GALNT13: variants seen among roughly 807,000 people sequenced by gnomAD.
GALNT13 encodes polypeptide N-acetylgalactosaminyltransferase 13.
In GALNT13, 28 loss-of-function variants were observed where a neutral mutation model predicts 64.2. The observed-to-expected ratio is 0.44, with a 90% CI of 0.32 to 0.60. The LOEUF (loss-of-function observed/expected upper bound fraction) is 0.60. Ranked by LOEUF, GALNT13 falls within the 20% of genes least tolerant of loss-of-function variation. The pLI is 0.05. For missense variants in GALNT13, 577 were observed against 669.8 expected (o/e 0.86, Z 1.53); for synonymous variants, 214 against 224.6 (o/e 0.95, Z 0.42).
chr2:154,171,608 G>T (rs1181991135), intron 4 of GALNT13, among the ~76,000 whole-genome samples: 1 of 152,092 alleles, frequency 6.6e-6, no homozygotes, highest in Non-Finnish European at 1.5e-5. Flanking sequence ...ACTCTAAAGT[G>T]AATGATTTGT....
the GALNT13 span, among the ~76,000 whole-genome samples, chr2:153,545,659 A>C: frequency 6.6e-6 from 1 of 152,110 alleles, no homozygotes; most frequent in Non-Finnish European, 1.5e-5. Context: ...TCTGGACCCC[A>C]CTTGGCCACA....
At chr2:153,633,409 C>T in the GALNT13 span, among the ~76,000 whole-genome samples, 6 of 152,122 alleles carry the variant, frequency 3.9e-5, no homozygotes, top group Non-Finnish European at 8.8e-5. Context: ...AGTTTACTCC[C>T]TTTCACCATT....
chr2:153,633,384 A>G, the GALNT13 span, among the ~76,000 whole-genome samples: 1 of 152,098 alleles, frequency 6.6e-6, no homozygotes, highest in Non-Finnish European at 1.5e-5. Flanking sequence ...CCAAGTAGTC[A>G]TTTTTTTCCC....
intron 2 of GALNT13, among the ~76,000 whole-genome samples, chr2:153,943,286 T>A (rs1451457202): frequency 6.6e-6 from 1 of 152,144 alleles, no homozygotes; most frequent in Admixed American, 6.5e-5. Context: ...TTATTTTAAA[T>A]CATTTATGTT....
the GALNT13 span, among the ~76,000 whole-genome samples, chr2:153,629,651 T>A: frequency 6.6e-6 from 1 of 151,884 alleles, no homozygotes; most frequent in Non-Finnish European, 1.5e-5. Flanking sequence ...ACAAATGGGA[T>A]CTAATTAAAC....
chr2:154,202,898 C>G (rs572123940), intron 4 of GALNT13, among the ~76,000 whole-genome samples: 3 of 152,038 alleles, frequency 2.0e-5, no homozygotes, highest in Non-Finnish European at 4.4e-5. Context: ...TTGGATGTTT[C>G]GCTGCAATAG....
intron 9 of GALNT13, among the ~76,000 whole-genome samples, chr2:154,346,731 C>T (rs933163029): frequency 2.0e-5 from 3 of 152,044 alleles, no homozygotes; most frequent in Non-Finnish European, 4.4e-5. Context: ...CAGACTAATA[C>T]ATATCACTAA....
At chr2:153,291,363 A>G in the GALNT13 span, among the ~76,000 whole-genome samples, 1 of 152,166 alleles carries the variant, frequency 6.6e-6, no homozygotes, top group Non-Finnish European at 1.5e-5. Context: ...AAAGATATCA[A>G]CGTTTTTCAC....
the GALNT13 span, among the ~76,000 whole-genome samples, chr2:153,656,564 A>T: frequency 1.3e-5 from 2 of 152,114 alleles, no homozygotes; most frequent in South Asian, 2.1e-4. Context: ...CAAAAGAAAA[A>T]AGGAAACATT....
the GALNT13 span, among the ~76,000 whole-genome samples, chr2:153,410,026 T>A: frequency 6.6e-6 from 1 of 152,196 alleles, no homozygotes; most frequent in South Asian, 2.1e-4. Flanking sequence ...GTGTCAGCCT[T>A]ATATACAGAT....
chr2:154,038,841 T>A (rs1211072936), intron 3 of GALNT13, among the ~76,000 whole-genome samples: 2 of 151,754 alleles, frequency 1.3e-5, no homozygotes, highest in African/African-American at 4.8e-5. Context: ...TAGGAGAAAA[T>A]ATTTGCAAAT....
chr2:153,843,746 T>C, the GALNT13 span, among the ~76,000 whole-genome samples: 1 of 152,180 alleles, frequency 6.6e-6, no homozygotes, highest in Non-Finnish European at 1.5e-5. Context: ...GGTATAGGCA[T>C]TGGGTAAACA....
the GALNT13 span, among the ~76,000 whole-genome samples, chr2:153,473,569 G>A: frequency 1.3e-5 from 2 of 152,168 alleles, no homozygotes; most frequent in African/African-American, 4.8e-5. Flanking sequence ...ATTGTGCATA[G>A]GTCTACATGG....
At chr2:153,136,767 A>T in the GALNT13 span, among the ~76,000 whole-genome samples, 1 of 152,120 alleles carries the variant, frequency 6.6e-6, no homozygotes, top group East Asian at 1.9e-4. Context: ...CATTAAGTAC[A>T]GGTCTCCAAA....
chr2:154,141,828 AAT>A (rs1683276834), intron 4 of GALNT13, among the ~76,000 whole-genome samples: 1 of 152,216 alleles, frequency 6.6e-6, no homozygotes, highest in African/African-American at 2.4e-5. Flanking sequence ...CTATGGAAGA[AAT>A]ATGCACTTGG....
intron 4 of GALNT13, among the ~76,000 whole-genome samples, chr2:154,152,711 AG>A (rs1684122918): frequency 6.6e-6 from 1 of 152,090 alleles, no homozygotes; most frequent in Non-Finnish European, 1.5e-5. Context: ...TCTTTCTTCC[AG>A]TTGATCGCAT....
At chr2:153,389,470 T>G in the GALNT13 span, among the ~76,000 whole-genome samples, 4 of 152,098 alleles carry the variant, frequency 2.6e-5, 1 homozygote, top group South Asian at 8.3e-4. Flanking sequence ...TGGGGGTTAA[T>G]TTCAAACAAG....
chr2:154,083,282 G>C (rs1701367482), intron 3 of GALNT13, among the ~76,000 whole-genome samples: 1 of 151,788 alleles, frequency 6.6e-6, no homozygotes, highest in East Asian at 1.9e-4. Context: ...TATCTGTTTT[G>C]GTACCAGTAC....
chr2:153,579,291 T>G, the GALNT13 span, among the ~76,000 whole-genome samples: 45 of 152,188 alleles, frequency 3.0e-4, no homozygotes, highest in African/African-American at 1.1e-3. Flanking sequence ...TTTTTTTTTC[T>G]AATATGTATT....
Sources: gnomAD v4.1 joint callset for allele counts (sites outside exome capture counted in the v4.1 genomes callset) on GRCh38, gnomAD v4.1.1 for gene constraint, MANE v1.5 for transcripts, NCBI Gene and HGNC (gene_info 2026-07-23, HGNC 2026-07-21) for gene names.